Variants in KAZN observed in about 807,000 individuals in gnomAD.
KAZN encodes kazrin, periplakin interacting protein.
A neutral mutation model predicts 87.4 loss-of-function variants in KAZN; 40 were observed. The observed-to-expected ratio is 0.46, with a 90% CI of 0.36 to 0.60. The LOEUF is 0.60. Ranked by LOEUF, KAZN falls within the 20% of genes least tolerant of loss-of-function variation. KAZN has a pLI of 0.00. For missense variants in KAZN, 898 were observed against 1,073.9 expected (o/e 0.84, Z 2.29); for synonymous variants, 466 against 458.3 (o/e 1.02, Z -0.22).
At chr1:14,765,181 T>C (rs574148779) in intron 1 of KAZN, among the ~76,000 whole-genome samples, 1 of 152,322 alleles carries the variant, frequency 6.6e-6, no homozygotes, top group South Asian at 2.1e-4. Flanking sequence ...ATCCCTGGCC[T>C]CTACCCACCA....
chr1:14,983,379 A>AAAAC (rs1666455621), intron 2 of KAZN, among the ~76,000 whole-genome samples: 1 of 152,178 alleles, frequency 6.6e-6, no homozygotes, highest in Non-Finnish European at 1.5e-5. Flanking sequence ...AACGCAAATT[A>AAAAC]AAACAACCCT....
chr1:14,858,949 G>C (rs1005384282), intron 1 of KAZN, among the ~76,000 whole-genome samples: 1 of 152,134 alleles, frequency 6.6e-6, no homozygotes, highest in Non-Finnish European at 1.5e-5. Flanking sequence ...TCTCACGCCT[G>C]TAATCCCAGC....
chr1:14,473,075 G>A (rs148121420), intron 2 of KAZN, among the ~76,000 whole-genome samples: 412 of 152,168 alleles, frequency 2.7e-3, no homozygotes, highest in African/African-American at 8.6e-3. Flanking sequence ...TTTCTTCTCC[G>A]AATTATTCTC....
At chr1:15,085,574 C>A (rs571097236) in intron 8 of KAZN, among the ~76,000 whole-genome samples, 1 of 152,266 alleles carries the variant, frequency 6.6e-6, no homozygotes, top group Admixed American at 6.5e-5. Context: ...GCAAGCCTCC[C>A]GCCTTAGCCT....
chr1:14,932,989 C>A lies in KAZN; in HGVS notation c.227-27695C>A, dbSNP rs190403699. 2.6e-4 allele frequency among the ~76,000 whole-genome samples: 39 copies of A among 152,296 alleles called. No individual in the cohort carries two copies. In the East Asian group the frequency reaches 7.5e-3, roughly 29 times the overall value. On this transcript the variant is annotated intron_variant, in intron 1 of 14. Coordinates refer to ENST00000376030, the MANE Select transcript of KAZN (RefSeq NM_201628.3). ...AACACTAACTCTCCATCCCTCTCCCCAGCCCCTGCCAACCACCATTCCAGT... is the reference window on the plus strand; with the variant it reads ...AACACTAACTCTCCATCCCTCTCCCAAGCCCCTGCCAACCACCATTCCAGT...
chr1:14,758,008 G>A (rs1644617289), intron 1 of KAZN, among the ~76,000 whole-genome samples: 1 of 152,220 alleles, frequency 6.6e-6, no homozygotes, highest in African/African-American at 2.4e-5. Flanking sequence ...CCCTGGAATG[G>A]CATTTTGCAT....
intron 11 of KAZN, 49 bp downstream of exon 11, chr1:15,101,823 C>T (rs1641081868): frequency 8.0e-7 from 1 of 1,256,878 alleles, no homozygotes; most frequent in Non-Finnish European, 1.1e-6. Flanking sequence ...CCCACCCCTC[C>T]CCTCTTGGCA....
At chr1:14,461,128 T>C (rs1318004944) in intron 2 of KAZN, among the ~76,000 whole-genome samples, 3 of 152,194 alleles carry the variant, frequency 2.0e-5, no homozygotes, top group Non-Finnish European at 2.9e-5. Flanking sequence ...ATTTCCTCAC[T>C]GGGACCTGGA....
At chr1:13,976,782 T>C (rs925535173) in intron 1 of KAZN, among the ~76,000 whole-genome samples, 33 of 152,132 alleles carry the variant, frequency 2.2e-4, no homozygotes, top group African/African-American at 7.7e-4. Flanking sequence ...AAGATGCTAG[T>C]GGCAGCACTG....
intron 1 of KAZN, among the ~76,000 whole-genome samples, chr1:14,686,701 G>A (rs1017191675): frequency 1.3e-5 from 2 of 152,182 alleles, no homozygotes; most frequent in Non-Finnish European, 2.9e-5. Context: ...GAGGAGAAGG[G>A]CCTGGCACTG....
chr1:14,214,824 T>G (rs1369057124), intron 2 of KAZN, among the ~76,000 whole-genome samples: 1 of 152,190 alleles, frequency 6.6e-6, no homozygotes, highest in Non-Finnish European at 1.5e-5. Flanking sequence ...CAATTGCAAG[T>G]GCATTGTGCC....
intron 1 of KAZN, among the ~76,000 whole-genome samples, chr1:14,759,204 GGCT>G (rs1216421467): frequency 1.3e-5 from 2 of 152,182 alleles, no homozygotes; most frequent in African/African-American, 2.4e-5. Flanking sequence ...ATCTCAGCCT[GGCT>G]GTGCCAAAGC....
rs1031965480 is a variant in KAZN, at chr1:14,949,477, C to T, written c.227-11207C>T. On this transcript the variant is annotated intron_variant, in intron 1 of 14. Transcript: ENST00000376030. This position sits in a 1 kb window ranked among gnomAD's most constrained non-coding sequence, Gnocchi z 4.3. ...TCTGGGACTGAGCAGTCCTTGCTGC[C>T]ACCAGCAGTCGGGAACCCAGCCACT... Among the ~76,000 whole-genome samples the T allele has an allele frequency of 1.3e-5, 2 of 152,136 alleles. No homozygotes were observed. Among genetic ancestry groups the T allele is most frequent in the Non-Finnish European group, 2.9e-5 (2 of 68,034 alleles).
chr1:14,241,581 A>C (rs1648938740), intron 2 of KAZN, among the ~76,000 whole-genome samples: 1 of 152,208 alleles, frequency 6.6e-6, no homozygotes, highest in South Asian at 2.1e-4. Context: ...TGGCACACCT[A>C]CTGTGAGCCA....
chr1:14,008,560 G>T (rs1427052563), intron 1 of KAZN, among the ~76,000 whole-genome samples: 3 of 152,188 alleles, frequency 2.0e-5, no homozygotes, highest in Non-Finnish European at 2.9e-5. Flanking sequence ...GCTCTGAAAA[G>T]GGTCTTAATC....
chr1:14,977,631 G>A (rs2101876762), intron 2 of KAZN, among the ~76,000 whole-genome samples: 1 of 152,354 alleles, frequency 6.6e-6, no homozygotes, highest in Admixed American at 6.5e-5. Flanking sequence ...GAGAGGAAAG[G>A]CACACTTTTT....
At chr1:14,007,548 G>A (rs114477455) in intron 1 of KAZN, among the ~76,000 whole-genome samples, 3,682 of 152,280 alleles carry the variant, frequency 0.024, 155 homozygotes, top group African/African-American at 0.085. Context: ...GCATTGTAAA[G>A]AGCAAAACAC....
intron 2 of KAZN, among the ~76,000 whole-genome samples, chr1:14,424,159 C>T (rs1487759198): frequency 6.6e-6 from 1 of 152,134 alleles, no homozygotes; most frequent in East Asian, 1.9e-4. Context: ...AAAGCCTCAG[C>T]TTTCTTTTCT....
chr1:15,052,882 C>T (rs906173729), intron 4 of KAZN, among the ~76,000 whole-genome samples: 18 of 152,164 alleles, frequency 1.2e-4, no homozygotes, highest in African/African-American at 3.9e-4. Context: ...ATGCCACTCC[C>T]AGGCCCAGAC....
Sources: gnomAD v4.1 joint callset for allele counts (sites outside exome capture counted in the v4.1 genomes callset) on GRCh38, gnomAD v4.1.1 for gene constraint, Gnocchi (gnomAD v3.1) non-coding constraint, MANE v1.5 for transcripts, NCBI Gene and HGNC (gene_info 2026-07-23, HGNC 2026-07-21) for gene names.